Variants in CSMD1 observed in about 807,000 individuals in gnomAD.
CSMD1 encodes CUB and Sushi multiple domains 1.
CSMD1 carries 213 observed loss-of-function variants against 417.5 expected under a neutral mutation model. That is an observed-to-expected ratio of 0.51 (90% CI 0.46 to 0.57). CSMD1 has a LOEUF of 0.57. Ranked by LOEUF, CSMD1 falls within the 20% of genes least tolerant of loss-of-function variation. The pLI, the probability that CSMD1 is intolerant of heterozygous loss-of-function variation, is 0.00. For synonymous variants in CSMD1, 2,862 were observed against 1,736.8 expected (o/e 1.65, Z -16.11); for missense variants, 6,923 against 4,529.7 (o/e 1.53, Z -15.17).
chr8:3,846,222 A>G (rs1242032446), intron 5 of CSMD1, among the ~76,000 whole-genome samples: 1 of 152,180 alleles, frequency 6.6e-6, no homozygotes, highest in Non-Finnish European at 1.5e-5. Flanking sequence ...TGTTGCCACC[A>G]GCATCATCAC....
chr8:3,639,805 T>A (rs1797218775), intron 7 of CSMD1, among the ~76,000 whole-genome samples: 1 of 152,224 alleles, frequency 6.6e-6, no homozygotes, highest in African/African-American at 2.4e-5. Flanking sequence ...CTATTTTGGT[T>A]CAGGGCAATG....
intron 12 of CSMD1, among the ~76,000 whole-genome samples, chr8:3,461,102 G>T (rs1263790663): frequency 6.6e-6 from 1 of 152,234 alleles, no homozygotes. Context: ...GCAGACTCAG[G>T]TCCCACCATC....
chr8:4,701,789 G>T (rs1380480682), intron 1 of CSMD1, among the ~76,000 whole-genome samples: 1 of 151,610 alleles, frequency 6.6e-6, no homozygotes, highest in African/African-American at 2.4e-5. Context: ...TTGGGTGGAA[G>T]ATTTAATGAA....
At chr8:4,103,048 G>A (rs1030799311) in intron 3 of CSMD1, among the ~76,000 whole-genome samples, 1 of 152,140 alleles carries the variant, frequency 6.6e-6, no homozygotes, top group Admixed American at 6.6e-5. Flanking sequence ...GCGGGTCAGA[G>A]AATTATGTTA....
At chr8:4,497,275 C>T (rs1802026255) in intron 2 of CSMD1, among the ~76,000 whole-genome samples, 1 of 152,182 alleles carries the variant, frequency 6.6e-6, no homozygotes, top group Non-Finnish European at 1.5e-5. Flanking sequence ...AATATCATTA[C>T]TTCTTTGCAA....
At chr8:3,067,507 G>C (rs1281111666) in intron 49 of CSMD1, among the ~76,000 whole-genome samples, 2 of 151,848 alleles carry the variant, frequency 1.3e-5, no homozygotes, top group African/African-American at 4.8e-5. Context: ...ACATTTAACA[G>C]TAAACTGAGA....
intron 2 of CSMD1, among the ~76,000 whole-genome samples, chr8:4,444,419 A>G (rs934105545): frequency 6.6e-6 from 1 of 150,978 alleles, no homozygotes; most frequent in African/African-American, 2.4e-5. Flanking sequence ...TGGTGCTCAA[A>G]AATGGACAAC....
At chr8:4,016,837 T>C (rs1796546832) in intron 4 of CSMD1, among the ~76,000 whole-genome samples, 1 of 152,218 alleles carries the variant, frequency 6.6e-6, no homozygotes, top group South Asian at 2.1e-4. Flanking sequence ...TTGGAAGTCA[T>C]GTCTATCAAA....
chr8:4,154,215 C>G (rs1796712125), intron 3 of CSMD1, among the ~76,000 whole-genome samples: 2 of 152,048 alleles, frequency 1.3e-5, no homozygotes, highest in Non-Finnish European at 2.9e-5. Context: ...AGAATAATAT[C>G]AAGGTTAGTG....
At position 3,604,863 on chromosome 8, in the gene CSMD1, G is replaced by T. The variant is rs529035117; in HGVS notation, c.1097+11847C>A. Among the ~76,000 whole-genome samples the T allele has an allele frequency of 9.2e-5, 14 of 152,234 alleles. No individual in the cohort carries two copies. The South Asian group carries it at 2.5e-3, about 27-fold the overall frequency. On this transcript the variant is annotated intron_variant, in intron 8 of 69. Coordinates refer to ENST00000635120, the MANE Select transcript of CSMD1 (RefSeq NM_033225.6). ...AGTGAGAGTTATCTAGGGGGCTCTA[G>T]CTACCTCCACGCTCTGTGTTCACCT...
At chr8:2,955,036 C>T (rs574364166) in intron 64 of CSMD1, among the ~76,000 whole-genome samples, 24 of 152,210 alleles carry the variant, frequency 1.6e-4, no homozygotes, top group Non-Finnish European at 2.8e-4. Context: ...AGGCTGATGA[C>T]TCTCACTTGT....
chr8:3,636,414 G>A (rs1248834824), intron 7 of CSMD1, among the ~76,000 whole-genome samples: 2 of 152,110 alleles, frequency 1.3e-5, no homozygotes, highest in Admixed American at 6.5e-5. Context: ...CTGACCTCAG[G>A]TGATCCGCCC....
chr8:3,939,499 C>A (rs919491062), intron 5 of CSMD1, among the ~76,000 whole-genome samples: 4 of 152,110 alleles, frequency 2.6e-5, no homozygotes, highest in African/African-American at 9.7e-5. Flanking sequence ...ATTCAGCAAT[C>A]CCAGTAGATT....
At chr8:4,184,623 A>C (rs952616514) in intron 3 of CSMD1, among the ~76,000 whole-genome samples, 2 of 152,132 alleles carry the variant, frequency 1.3e-5, no homozygotes, top group Admixed American at 6.5e-5. Flanking sequence ...AAAAAAATCA[A>C]ATGTTCTCAT....
intron 10 of CSMD1, among the ~76,000 whole-genome samples, chr8:3,507,246 G>A (rs1037146616): frequency 4.6e-5 from 7 of 151,958 alleles, no homozygotes; most frequent in African/African-American, 1.4e-4. Context: ...TTTTTTTGTA[G>A]AAGTAAAAAG....
chr8:3,529,003 G>A (rs777046227), intron 10 of CSMD1, among the ~76,000 whole-genome samples: 50 of 152,134 alleles, frequency 3.3e-4, no homozygotes, highest in Non-Finnish European at 5.9e-4. Context: ...ATTTTCAGAA[G>A]CCCAAAATAT....
At chr8:4,662,236 ATAAT>A (rs932106878) in intron 1 of CSMD1, among the ~76,000 whole-genome samples, 4 of 152,284 alleles carry the variant, frequency 2.6e-5, no homozygotes, top group South Asian at 2.1e-4. Context: ...ATGATTTTTT[ATAAT>A]TAATACCAAA....
intron 1 of CSMD1, among the ~76,000 whole-genome samples, chr8:4,781,446 T>C: frequency 6.6e-6 from 1 of 152,212 alleles, no homozygotes; most frequent in East Asian, 1.9e-4. Context: ...CTGACCGTCA[T>C]CTTATCTGAT....
chr8:3,264,759 C>T (rs1453913187), intron 26 of CSMD1, among the ~76,000 whole-genome samples: 3 of 152,006 alleles, frequency 2.0e-5, no homozygotes, highest in East Asian at 1.9e-4. Flanking sequence ...ATTAAGGGTA[C>T]ATAGCTAGTA....
Sources: allele counts gnomAD v4.1 joint callset (sites outside exome capture counted in the v4.1 genomes callset), GRCh38; gene constraint gnomAD v4.1.1; transcripts MANE v1.5; gene names NCBI Gene and HGNC (gene_info 2026-07-23, HGNC 2026-07-21).